The following EPB41L5 variants were observed in gnomAD, a reference collection of about 807,000 sequenced individuals.
The protein encoded by EPB41L5 is erythrocyte membrane protein band 4.1 like 5.
EPB41L5 carries 55 observed loss-of-function variants against 106.6 expected under a neutral mutation model. That is an observed-to-expected ratio of 0.52 (90% CI 0.42 to 0.65). The LOEUF is 0.65. Among genes scored for constraint, EPB41L5 ranks in the 30% least tolerant of loss-of-function variants. The probability of loss-of-function intolerance (pLI) is 0.00; values close to 1 mark genes in which losing one functional copy is unlikely to be tolerated. For missense variants in EPB41L5, 871 were observed against 882.1 expected, an observed-to-expected ratio of 0.99 and a Z score of 0.16; for synonymous variants, 297 against 306.7, an observed-to-expected ratio of 0.97 and a Z score of 0.33.
chr2:120,076,553 C>A (rs1682256032), intron 7 of EPB41L5, among the ~76,000 whole-genome samples: 1 of 148,314 alleles, frequency 6.7e-6, no homozygotes, highest in Non-Finnish European at 1.5e-5. Context: ...TCCACCTCAG[C>A]CCTCCCAAAG....
intron 18 of EPB41L5, among the ~76,000 whole-genome samples, chr2:120,135,563 A>G (rs1685887343): frequency 6.6e-6 from 1 of 152,176 alleles, no homozygotes; most frequent in South Asian, 2.1e-4. Flanking sequence ...CAAATAACAT[A>G]CAAGGGAAAT....
chr2:120,095,795 A>G (rs995205725), intron 14 of EPB41L5, among the ~76,000 whole-genome samples: 1 of 152,068 alleles, frequency 6.6e-6, no homozygotes, highest in Non-Finnish European at 1.5e-5. Context: ...CAGCCTCCCA[A>G]GTAGCTGGGA....
At chr2:120,034,451 A>T (rs1678914499) in intron 2 of EPB41L5, among the ~76,000 whole-genome samples, 1 of 152,242 alleles carries the variant, frequency 6.6e-6, no homozygotes, top group Non-Finnish European at 1.5e-5. Context: ...GTTTGGTACC[A>T]GATAGATGAA....
At chr2:120,115,944 G>A (rs961462088) in intron 16 of EPB41L5, among the ~76,000 whole-genome samples, 7 of 151,942 alleles carry the variant, frequency 4.6e-5, no homozygotes, top group East Asian at 1.9e-4. Flanking sequence ...TAAGTAGCTG[G>A]GATTATAGGA....
chr2:120,148,885 C>T (rs1311599327), intron 20 of EPB41L5, among the ~76,000 whole-genome samples: 3 of 152,068 alleles, frequency 2.0e-5, no homozygotes, highest in Non-Finnish European at 4.4e-5. Context: ...AGGAGTAACA[C>T]CATTTCTCCT....
At chr2:120,070,899 C>G (rs1385715154) in intron 3 of EPB41L5, among the ~76,000 whole-genome samples, 1 of 152,156 alleles carries the variant, frequency 6.6e-6, no homozygotes, top group Non-Finnish European at 1.5e-5. Context: ...TGGGCAAAAG[C>G]TGGAAGCATT....
Position 120,141,653 on chromosome 2 carries a change from A to G in EPB41L5, c.1600-1350A>G, listed in dbSNP as rs1391240577. Among the ~76,000 whole-genome samples the G allele has an allele frequency of 2.6e-5, 4 of 152,116 alleles. No homozygotes were observed. The East Asian group carries it at 7.7e-4, about 29-fold the overall frequency. ...TCTAAAAATGATATAGAAAAGTGGC[A>G]GTTTGAGAAGAGAAGGATCTGTATG... On this transcript the variant is annotated intron_variant, in intron 18 of 24. Transcript: ENST00000263713.
Position 120,100,787 on chromosome 2 carries a change from C to G in EPB41L5, c.1310C>G (p.Pro437Arg). Residue 437 changes from proline to arginine, a missense_variant, in exon 16 of 25, where the codon CCT becomes CGT. Physicochemically the swap from Pro to Arg is moderately radical, Grantham distance 103. Coordinates refer to ENST00000263713, the MANE Select transcript of EPB41L5 (RefSeq NM_020909.4). ...GAGATAGAGAATCTTCCACAGAGTC[C>G]TGGAACAGACCAGCATGACAGGAAA... ...PVEIENLPQS[P>R]GTDQHDRKCI... 5 of 1,610,042 alleles carry G rather than the reference C, an allele frequency of 3.1e-6. No individual in the cohort carries two copies. Among genetic ancestry groups the G allele is most frequent in the Non-Finnish European group, 4.2e-6 (5 of 1,177,538 alleles).
Position 120,149,746 on chromosome 2 carries a change from A to G in EPB41L5, c.1793+3457A>G, listed in dbSNP as rs74833750. Among the ~76,000 whole-genome samples the G allele has an allele frequency of 5.8e-3, 887 of 152,328 alleles. 8 individuals carry two copies. Among genetic ancestry groups the G allele is most frequent in the South Asian group, 0.039 (188 of 4,832 alleles). On this transcript the variant is annotated intron_variant, in intron 20 of 24. Transcript: ENST00000263713. ...TGTTTTTCAGTTACACATCTAGAGT[A>G]GAATTCCGGAGTCATACGGTAATTC...
intron 18 of EPB41L5, among the ~76,000 whole-genome samples, chr2:120,134,302 C>T (rs928214142): frequency 2.6e-5 from 4 of 152,034 alleles, no homozygotes; most frequent in Admixed American, 6.5e-5. Context: ...TCCTACAGTT[C>T]CCAACTCCAG....
intron 17 of EPB41L5, among the ~76,000 whole-genome samples, chr2:120,128,944 G>T (rs1355341238): frequency 1.3e-5 from 2 of 152,182 alleles, no homozygotes. Flanking sequence ...TCCACTTCTT[G>T]TTAGCAATGC....
chr2:120,029,192 TCTCA>T (rs1175225299), intron 2 of EPB41L5, among the ~76,000 whole-genome samples: 2 of 152,120 alleles, frequency 1.3e-5, no homozygotes, highest in East Asian at 3.9e-4. Context: ...TGAGATGGAG[TCTCA>T]CTCTGTTGCT....
intron 10 of EPB41L5, among the ~76,000 whole-genome samples, chr2:120,085,896 A>T (rs1239753327): frequency 6.6e-6 from 1 of 152,162 alleles, no homozygotes; most frequent in Non-Finnish European, 1.5e-5. Context: ...AGAGTTAATT[A>T]ATACTTGTAA....
At chr2:120,142,118 A>ATTTT (rs777207107) in intron 18 of EPB41L5, among the ~76,000 whole-genome samples, 1 of 36,422 alleles carries the variant, frequency 2.7e-5, no homozygotes, top group African/African-American at 5.3e-5. Flanking sequence ...TTTTTTAAAA[A>ATTTT]AAAAAAAAAA....
chr2:120,143,524 G>C (rs570359884), intron 19 of EPB41L5, among the ~76,000 whole-genome samples: 2 of 152,234 alleles, frequency 1.3e-5, no homozygotes, highest in South Asian at 2.1e-4. Context: ...AAGGATGGAG[G>C]GGGTAGGGAC....
intron 23 of EPB41L5, among the ~76,000 whole-genome samples, 183 bp downstream of exon 23, chr2:120,167,690 G>C (rs757059702): frequency 1.3e-5 from 2 of 152,228 alleles, no homozygotes; most frequent in Non-Finnish European, 1.5e-5. Context: ...TGTTTGTCAG[G>C]ATGCTGGCAG....
intron 2 of EPB41L5, among the ~76,000 whole-genome samples, chr2:120,024,890 G>A (rs777403690): frequency 3.3e-5 from 5 of 152,150 alleles, no homozygotes; most frequent in East Asian, 1.9e-4. Flanking sequence ...TTGATGTGCC[G>A]CTGGATTCGG....
At chr2:120,172,766 G>A (rs1478080257) in intron 24 of EPB41L5, among the ~76,000 whole-genome samples, 1 of 152,110 alleles carries the variant, frequency 6.6e-6, no homozygotes, top group East Asian at 1.9e-4. Flanking sequence ...GTTCCAAGAT[G>A]GTAGCTGCCC....
chr2:120,126,645 G>C (rs1410947355), intron 16 of EPB41L5, among the ~76,000 whole-genome samples: 1 of 152,098 alleles, frequency 6.6e-6, no homozygotes, highest in East Asian at 1.9e-4. Context: ...TTCTGTTGTT[G>C]ATTTACATGT....
Sources: gnomAD v4.1 joint callset for allele counts (sites outside exome capture counted in the v4.1 genomes callset) on GRCh38, gnomAD v4.1.1 for gene constraint, MANE v1.5 for transcripts, NCBI Gene and HGNC (gene_info 2026-07-23, HGNC 2026-07-21) for gene names.